RAG1: variants seen among roughly 807,000 people sequenced by gnomAD.
RAG1 encodes recombination activating 1, also known as V(D)J recombination-activating protein 1.
In RAG1, 35 loss-of-function variants were observed where a neutral mutation model predicts 62.7. The observed-to-expected ratio is 0.56, with a 90% CI of 0.43 to 0.74. RAG1 has a LOEUF of 0.74. Ranked by LOEUF, RAG1 falls within the 30% of genes least tolerant of loss-of-function variation. RAG1 has a pLI of 0.00. For synonymous variants in RAG1, 461 were observed against 470.3 expected (o/e 0.98, Z 0.26); for missense variants, 1,169 against 1,278.6 (o/e 0.91, Z 1.31).
At chr11:36,547,057 G>A (rs997366411) in intron 3 of RAG1, among the ~76,000 whole-genome samples, 1 of 151,828 alleles carries the variant, frequency 6.6e-6, no homozygotes, top group Admixed American at 6.6e-5. Flanking sequence ...TTCTCAAGGG[G>A]TATCTTTGTG....
chr11:36,538,767 A>G (rs906435651), downstream of RAG1, among the ~76,000 whole-genome samples: 4 of 152,128 alleles, frequency 2.6e-5, no homozygotes, highest in Non-Finnish European at 5.9e-5. Context: ...TACTTGTGAC[A>G]GCTTCTTATC....
rs367970747 is a variant in RAG1 at position 36,578,786 on chromosome 11, A to G, written c.*2350A>G. The G allele has an allele frequency of 1.2e-5, 2 of 167,050 alleles. No individual in the cohort carries two copies. Among genetic ancestry groups the G allele is most frequent in the African/African-American group, 4.8e-5 (2 of 41,444 alleles). The allele number at this position is 167,050 out of a possible 1,614,324, so 10.3% of individuals were successfully genotyped here. ...TTGAGACTGCAATATCCTAGACCCT[A>G]GTTTTATACTAGAGTTTTATTTTTA... On this transcript the variant is annotated 3_prime_UTR_variant, in exon 2 of 2. Transcript: ENST00000299440.
At chr11:36,558,029 T>C (rs1210394708) in intron 3 of RAG1, among the ~76,000 whole-genome samples, 1 of 152,188 alleles carries the variant, frequency 6.6e-6, no homozygotes, top group Non-Finnish European at 1.5e-5. Flanking sequence ...GAGGCTTTGG[T>C]ATATTGTGTT....
upstream of RAG1, chr11:36,563,397 C>T (rs1418638969): frequency 6.6e-6 from 1 of 152,130 alleles, no homozygotes; most frequent in Non-Finnish European, 1.5e-5. Flanking sequence ...ATCCGTGTTC[C>T]TGGATCTCAG....
rs1032882698 is a variant in RAG1, at chr11:36,559,570, G to A, written c.-411-3815G>A. Among the ~76,000 whole-genome samples the A allele has an allele frequency of 5.3e-5, 8 of 151,058 alleles. 1 individual carries two copies. In the South Asian group the frequency reaches 6.3e-4, roughly 12 times the overall value. The stretch of plus-strand genomic sequence containing the variant: ...ATTCTTTTTTATTTTTCTTACTCTC[G>A]CTCTCTCTTTTTGTCTGATTGGGTT... On this transcript the variant is annotated intron_variant and NMD_transcript_variant, in intron 3 of 9. Transcript: ENST00000534663.
intron 2 of RAG1, among the ~76,000 whole-genome samples, chr11:36,529,174 G>A (rs1297846927): frequency 6.6e-6 from 1 of 151,942 alleles, no homozygotes; most frequent in Non-Finnish European, 1.5e-5. Context: ...CCAAAACCTG[G>A]CAGAGACACA....
At position 36,575,853 on chromosome 11, in the gene RAG1, T is replaced by C; in HGVS notation, c.2549T>C (p.Met850Thr). Residue 850 changes from methionine (M) to threonine (T), a missense_variant, in exon 2 of 2, where the codon ATG becomes ACG. Transcript: ENST00000299440. The surrounding 1 kb of genome is among the most constrained non-coding windows in gnomAD (Gnocchi z 4.1). ...LRKKMNLKPI[M>T]RMNGNFARKL... ...AAGAAGATGAACCTCAAACCAATCA[T>C]GAGGATGAATGGCAACTTTGCCAGG... 1 of 1,614,080 alleles carries C rather than the reference T, an allele frequency of 6.2e-7. No individual in the cohort carries two copies. Among genetic ancestry groups the C allele is most frequent in the Non-Finnish European group, 8.5e-7 (1 of 1,179,956 alleles).
intron 2 of RAG1, among the ~76,000 whole-genome samples, chr11:36,529,337 A>G (rs1860215215): frequency 6.6e-6 from 1 of 152,224 alleles, no homozygotes; most frequent in Admixed American, 6.5e-5. Flanking sequence ...GGATGGTTCA[A>G]CATACGCAAA....
chr11:36,529,852 G>T (rs567662336), intron 2 of RAG1, among the ~76,000 whole-genome samples: 12 of 148,310 alleles, frequency 8.1e-5, no homozygotes, highest in African/African-American at 3.0e-4. Flanking sequence ...ATTGGGAATG[G>T]TTTTTTTTTT....
intron 3 of RAG1, among the ~76,000 whole-genome samples, chr11:36,558,872 G>A (rs188367508): frequency 8.5e-5 from 13 of 152,246 alleles, no homozygotes; most frequent in Non-Finnish European, 1.5e-4. Context: ...TTATCTTTGT[G>A]TGGTTTGCTT....
At chr11:36,517,628 A>G (rs572734192) in intron 1 of RAG1, among the ~76,000 whole-genome samples, 3 of 152,292 alleles carry the variant, frequency 2.0e-5, no homozygotes, top group Non-Finnish European at 2.9e-5. Flanking sequence ...ATCTTTACCC[A>G]CATTTGCCTC....
In RAG1 at chr11:36,543,127, A is replaced by T. The variant is rs1233567673; in HGVS notation, c.-412+7093A>T. The stretch of plus-strand genomic sequence containing the variant: ...TCTGACATTATGGCTCAGGGATGGC[A>T]GATAGGGAACTGGCTAACATCCTCT... On this transcript the variant is annotated intron_variant and NMD_transcript_variant, in intron 3 of 9. Coordinates refer to the RAG1 transcript ENST00000534663. 2.6e-5 allele frequency among the ~76,000 whole-genome samples: 4 copies of T among 152,276 alleles called. 1 individual carries two copies. Among genetic ancestry groups the T allele is most frequent in the Admixed American group, 2.6e-4 (4 of 15,300 alleles).
chr11:36,530,531 T>A (rs1860238339), intron 2 of RAG1, among the ~76,000 whole-genome samples: 1 of 152,038 alleles, frequency 6.6e-6, no homozygotes, highest in Non-Finnish European at 1.5e-5. Flanking sequence ...ATTCTCATTT[T>A]CATTCAGTCT....
chr11:36,566,245 T>C (rs895443791), upstream of RAG1, among the ~76,000 whole-genome samples: 1 of 152,120 alleles, frequency 6.6e-6, no homozygotes, highest in Non-Finnish European at 1.5e-5. Flanking sequence ...AACTCTGCTT[T>C]GGAGGTTATG....
Position 36,576,952 on chromosome 11 carries a change from T to A in RAG1, c.*516T>A, listed in dbSNP as rs1414204694. On this transcript the variant is annotated 3_prime_UTR_variant, in exon 2 of 2. Transcript: ENST00000299440. ...ATAAGATTCAAAAGAGCTTTTTAAA[T>A]TTTTCTAATAATATCTTACATTTGT... The A allele has an allele frequency of 5.7e-6, 1 of 175,298 alleles. No homozygotes were observed. Among genetic ancestry groups the A allele is most frequent in the Non-Finnish European group, 1.4e-5 (1 of 72,424 alleles). 10.9% of individuals were successfully genotyped at this position (175,298 alleles called of 1,614,324 possible).
chr11:36,564,317 C>G (rs1850631453), upstream of RAG1, among the ~76,000 whole-genome samples: 1 of 152,104 alleles, frequency 6.6e-6, no homozygotes. Flanking sequence ...TTACTTTGAC[C>G]TTTTAAGCTT....
intron 2 of RAG1, among the ~76,000 whole-genome samples, chr11:36,530,037 T>C (rs1447107468): frequency 6.6e-6 from 1 of 152,090 alleles, no homozygotes; most frequent in Non-Finnish European, 1.5e-5. Context: ...TCATTTTGGG[T>C]TAACGGTGGC....
At position 36,575,765 on chromosome 11, in the gene RAG1, A is replaced by C; in HGVS notation, c.2461A>C (p.Asn821His). ...GCTAGAGATAGGGGAAGTGTATAAG[A>C]ATCCCAATGCTTCCAAAGAGGAAAG... ...FQLEIGEVYK[N>H]PNASKEERKR... The change falls in exon 2 of 2, where the codon AAT (asparagine) becomes CAT (histidine). Residue 821 changes from asparagine (N) to histidine (H), a missense_variant. Coordinates refer to ENST00000299440, the MANE Select transcript of RAG1 (RefSeq NM_000448.3). This position sits in a 1 kb window ranked among gnomAD's most constrained non-coding sequence, Gnocchi z 4.1. 1 of 1,614,248 alleles carries C rather than the reference A, an allele frequency of 6.2e-7. No homozygotes were observed. Among genetic ancestry groups the C allele is most frequent in the Non-Finnish European group, 8.5e-7 (1 of 1,180,050 alleles).
At chr11:36,536,943 A>C (rs1197586578), downstream of RAG1, among the ~76,000 whole-genome samples, 1 of 125,586 alleles carries the variant, frequency 8.0e-6, no homozygotes, top group Non-Finnish European at 1.7e-5. Flanking sequence ...TATTTTTAGT[A>C]GAGACAGGGT....
Sources: gnomAD v4.1 joint callset for allele counts (sites outside exome capture counted in the v4.1 genomes callset) on GRCh38, gnomAD v4.1.1 for gene constraint, Gnocchi (gnomAD v3.1) non-coding constraint, MANE v1.5 for transcripts, NCBI Gene and HGNC (gene_info 2026-07-23, HGNC 2026-07-21) for gene names.